The following CDKL1 variants were observed in gnomAD, a reference collection of about 807,000 sequenced individuals.
The protein encoded by CDKL1 is cyclin-dependent kinase-like 1.
Under a neutral mutation model 42.0 loss-of-function variants are expected in CDKL1, and 41 were observed. The ratio of observed to expected loss-of-function variants is 0.98; its 90% CI spans 0.76 to 1.27. The LOEUF is 1.27. Ranked by LOEUF, CDKL1 falls within the 50% of genes most tolerant of loss-of-function variation. The pLI, the probability that CDKL1 is intolerant of heterozygous loss-of-function variation, is 0.00. For synonymous variants in CDKL1, 153 were observed against 158.6 expected (o/e 0.96, Z 0.26); for missense variants, 394 against 428.4 (o/e 0.92, Z 0.71).
At chr14:50,377,738 G>A (rs754473436) in intron 2 of CDKL1, 2 of 1,257,712 alleles carry the variant, frequency 1.6e-6, no homozygotes, top group Non-Finnish European at 2.1e-6. Context: ...CACTGCAGTG[G>A]CACATGAGTG....
At chr14:50,365,953 C>G (rs79636801) in intron 2 of CDKL1, among the ~76,000 whole-genome samples, 3 of 152,186 alleles carry the variant, frequency 2.0e-5, no homozygotes, top group African/African-American at 7.2e-5. Context: ...GCCACGGGCT[C>G]TCCGGCCTTC....
chr14:50,356,661 C>T (rs989986608), intron 3 of CDKL1, among the ~76,000 whole-genome samples: 5 of 152,174 alleles, frequency 3.3e-5, no homozygotes, highest in South Asian at 2.1e-4. Context: ...GGGAACAACA[C>T]ATACTGAGGC....
chr14:50,391,923 G>A (rs66467858), intron 2 of CDKL1, among the ~76,000 whole-genome samples: 28,921 of 152,006 alleles, frequency 0.19, 2,970 homozygotes, highest in African/African-American at 0.24. Flanking sequence ...TCTTCCTTTT[G>A]TAATAAAACT....
Position 50,335,354 on chromosome 14 carries a change from G to A in CDKL1, c.739-733C>T, listed in dbSNP as rs141557591. On this transcript the variant is annotated intron_variant, in intron 7 of 9. Transcript: ENST00000395834. ...TAATTCTAATTATATAAAGGGAGCT[G>A]CAAAATAGATGTTTTTCCCCTACCC... The A allele has an allele frequency of 4.2e-5, 28 of 665,024 alleles. No individual in the cohort carries two copies. In the East Asian group the frequency reaches 8.3e-4, roughly 20 times the overall value. The allele number at this position is 665,024 out of a possible 1,614,324, so 41.2% of individuals were successfully genotyped here. A position where few individuals can be genotyped will look rare whatever the true frequency, so the allele number is the denominator to read the frequency against.
chr14:50,387,928 G>A (rs1186554031), intron 2 of CDKL1, among the ~76,000 whole-genome samples: 3 of 152,098 alleles, frequency 2.0e-5, no homozygotes, highest in Admixed American at 6.6e-5. Flanking sequence ...ACAGAGTCTT[G>A]CCCTGTCGCC....
At chr14:50,377,996 C>T (rs188640934) in intron 2 of CDKL1, among the ~76,000 whole-genome samples, 16 of 152,134 alleles carry the variant, frequency 1.1e-4, no homozygotes, top group Non-Finnish European at 2.4e-4. Flanking sequence ...AATATCCAGC[C>T]TCAACAGGTC....
intron 2 of CDKL1, among the ~76,000 whole-genome samples, chr14:50,367,554 C>T (rs533485329): frequency 3.9e-5 from 6 of 152,130 alleles, no homozygotes; most frequent in African/African-American, 9.7e-5. Context: ...GACGTACAAA[C>T]GAATTAGATG....
chr14:50,332,689 T>C (rs1488890587), intron 8 of CDKL1: 2 of 1,533,218 alleles, frequency 1.3e-6, no homozygotes, highest in Middle Eastern at 1.7e-4. Context: ...ATTGGTACTC[T>C]GCCCTGGGAG....
Position 50,332,451 on chromosome 14 carries a change from CCTT to C in CDKL1, c.796-22_796-20del, listed in dbSNP as rs11570876. 8,241 of 1,580,254 alleles carry C rather than the reference CCTT, an allele frequency of 5.2e-3. 151 individuals carry two copies. Among genetic ancestry groups the C allele is most frequent in the African/African-American group, 0.051 (3,707 of 72,926 alleles). ...GACAGCCCTAAAAGAACAGAAAATT[CCTT>C]CTTCTTACTTCTTCAAAATTGTATT... On this transcript the variant is annotated intron_variant, in intron 8 of 9. Transcript: ENST00000395834.
chr14:50,362,225 GC>G, intron 2 of CDKL1: 1 of 317,950 alleles, frequency 3.1e-6, no homozygotes, highest in Non-Finnish European at 6.1e-6. Context: ...GATCAGAACC[GC>G]CCCCTGCTCC....
At chr14:50,350,900 CCTT>C (rs1466035101) in intron 3 of CDKL1, among the ~76,000 whole-genome samples, 5 of 152,102 alleles carry the variant, frequency 3.3e-5, no homozygotes, top group Non-Finnish European at 7.4e-5. Flanking sequence ...CAGAGGCACT[CCTT>C]CTGGGGAGGG....
At chr14:50,390,298 C>T in intron 2 of CDKL1, 1 of 1,366,194 alleles carries the variant, frequency 7.3e-7, no homozygotes, top group Non-Finnish European at 9.8e-7. Flanking sequence ...AGAACGTCTG[C>T]CCAGGGATCC....
chr14:50,333,548 A>G (rs1035488448), intron 8 of CDKL1: 1 of 152,164 alleles, frequency 6.6e-6, no homozygotes, highest in Admixed American at 6.5e-5. Flanking sequence ...TGTTTAGCAT[A>G]TAATCAAGAA....
At chr14:50,357,460 A>G (rs577557586) in intron 3 of CDKL1, among the ~76,000 whole-genome samples, 3 of 152,216 alleles carry the variant, frequency 2.0e-5, no homozygotes, top group African/African-American at 4.8e-5. Flanking sequence ...CTGTGGCTCT[A>G]ATCTATAATC....
intron 2 of CDKL1, among the ~76,000 whole-genome samples, chr14:50,391,486 G>T (rs1299994575): frequency 6.6e-6 from 1 of 152,114 alleles, no homozygotes; most frequent in Admixed American, 6.6e-5. Flanking sequence ...GGGTTCAAGC[G>T]ATTCTCCTGT....
rs11570853 is a variant in CDKL1 at position 50,335,526 on chromosome 14, C to T, written c.739-905G>A. ...CTTTTGGCCGTATAAGGCGATTTTG[C>T]GCCAGTCACGTGCTGGAGACAATCA... is the stretch of plus-strand genomic sequence containing the variant. On this transcript the variant is annotated intron_variant, in intron 7 of 9. Transcript: ENST00000395834. The T allele has an allele frequency of 5.2e-3, 7,989 of 1,535,962 alleles. 138 individuals are homozygous for T. Among genetic ancestry groups the T allele is most frequent in the African/African-American group, 0.049 (3,576 of 73,088 alleles).
chr14:50,337,301 G>A (rs1020633775), intron 7 of CDKL1, among the ~76,000 whole-genome samples: 2 of 150,044 alleles, frequency 1.3e-5, no homozygotes, highest in Non-Finnish European at 3.0e-5. Context: ...GAGCCACCAT[G>A]CCCAGCCTAC....
Position 50,329,921 on chromosome 14 carries a change from C to T in CDKL1, c.*153G>A, listed in dbSNP as rs1351829462. 2.3e-6 allele frequency: 2 copies of T among 879,066 alleles called. No homozygotes were observed. Among genetic ancestry groups the T allele is most frequent in the Admixed American group, 6.9e-5 (2 of 28,922 alleles). 54.5% of individuals were successfully genotyped at this position (879,066 alleles called of 1,614,324 possible). A position where few individuals can be genotyped will look rare whatever the true frequency, so the allele number is the denominator to read the frequency against. ...ATGGAAGACTGGATCTGGAATTTCC[C>T]TTCATATCTTGCCAGTTGGCCTCCC... On this transcript the variant is annotated 3_prime_UTR_variant, in exon 10 of 10. Transcript: ENST00000395834.
intron 2 of CDKL1, among the ~76,000 whole-genome samples, chr14:50,393,952 T>G (rs1040691944): frequency 2.0e-5 from 3 of 152,162 alleles, no homozygotes; most frequent in African/African-American, 4.8e-5. Flanking sequence ...ACAATGACAT[T>G]TTTTGGAGGC....
Sources: gnomAD v4.1 joint callset for allele counts (sites outside exome capture counted in the v4.1 genomes callset) on GRCh38, gnomAD v4.1.1 for gene constraint, MANE v1.5 for transcripts, NCBI Gene and HGNC (gene_info 2026-07-23, HGNC 2026-07-21) for gene names.